Variants in GABRB3 observed in about 807,000 individuals in gnomAD.
The protein encoded by GABRB3 is gamma-aminobutyric acid receptor subunit beta-3.
Under a neutral mutation model 52.1 loss-of-function variants are expected in GABRB3, and 14 were observed. The ratio of observed to expected loss-of-function variants is 0.27; its 90% CI spans 0.18 to 0.42. The LOEUF is 0.42. Ranked by LOEUF, GABRB3 falls within the 10% of genes least tolerant of loss-of-function variation. The pLI is 1.00. For missense variants in GABRB3, 307 were observed against 609.1 expected (o/e 0.50, Z 5.22); for synonymous variants, 260 against 232.3 (o/e 1.12, Z -1.08).
intron 3 of GABRB3, among the ~76,000 whole-genome samples, chr15:26,690,937 C>T (rs184980879): frequency 1.3e-5 from 2 of 151,772 alleles, no homozygotes; most frequent in East Asian, 2.0e-4. Context: ...TCTGGCCAAT[C>T]GCATTTGTTC....
chr15:26,759,981 A>C (rs1272322541), intron 3 of GABRB3, among the ~76,000 whole-genome samples: 1 of 152,260 alleles, frequency 6.6e-6, no homozygotes, highest in East Asian at 1.9e-4. Flanking sequence ...AACTGATGCA[A>C]CTATGTTTGA....
chr15:26,583,301 A>G, intron 5 of GABRB3, 31 bp downstream of exon 5: 1 of 1,537,028 alleles, frequency 6.5e-7, no homozygotes, highest in South Asian at 1.1e-5. Context: ...TACAAATAGG[A>G]GGAGAAAGAA....
rs151323737 is a variant in GABRB3, at chr15:26,620,720, G to C, written c.461+594C>G. ...ATGGAGCTCTATGGAAAGGCCTGGC[G>C]GTTTCCAGGGCAACCAGGGAAGCCC... On this transcript the variant is annotated intron_variant, in intron 4 of 8. Coordinates refer to ENST00000311550, the MANE Select transcript of GABRB3 (RefSeq NM_000814.6). Among the ~76,000 whole-genome samples, 349 of 152,274 alleles carry C rather than the reference G, an allele frequency of 2.3e-3. 5 individuals are homozygous for C. In the East Asian group the frequency reaches 0.051, roughly 22 times the overall value.
At position 26,750,885 on chromosome 15, in the gene GABRB3, T is replaced by A. The variant is rs140912924; in HGVS notation, c.240+21517A>T. 5.5e-3 allele frequency among the ~76,000 whole-genome samples: 840 copies of A among 152,328 alleles called. 8 individuals carry two copies. The highest frequency in any genetic ancestry group is 0.019 in the African/African-American group (772 of 41,582). On this transcript the variant is annotated intron_variant, in intron 3 of 8. Coordinates refer to ENST00000311550, the MANE Select transcript of GABRB3 (RefSeq NM_000814.6). Reference sequence around the variant, plus strand: ...ATTACTTAATGAAACTCAGTTTCTATCATGAATTACAGACATTTTGCCAAA... The same window carrying A: ...ATTACTTAATGAAACTCAGTTTCTAACATGAATTACAGACATTTTGCCAAA...
intron 3 of GABRB3, among the ~76,000 whole-genome samples, chr15:26,736,545 A>G (rs1890069886): frequency 6.6e-6 from 1 of 152,242 alleles, no homozygotes; most frequent in African/African-American, 2.4e-5. Flanking sequence ...GTTTGAGGAA[A>G]GCATATTGCA....
intron 3 of GABRB3, among the ~76,000 whole-genome samples, chr15:26,712,413 G>A (rs1889328243): frequency 6.6e-6 from 1 of 152,232 alleles, no homozygotes; most frequent in Admixed American, 6.5e-5. Flanking sequence ...AGGAGGCTGG[G>A]AGAAGTGTCC....
intron 4 of GABRB3, among the ~76,000 whole-genome samples, chr15:26,600,569 G>T (rs1891553058): frequency 6.6e-6 from 1 of 152,094 alleles, no homozygotes; most frequent in African/African-American, 2.4e-5. Flanking sequence ...AGAAAGAGTG[G>T]TATGATATAT....
chr15:26,738,396 C>G (rs114668213), intron 3 of GABRB3, among the ~76,000 whole-genome samples: 1 of 152,170 alleles, frequency 6.6e-6, no homozygotes, highest in African/African-American at 2.4e-5. Flanking sequence ...CTTGGGCTTA[C>G]TGACAAAAAG....
chr15:26,737,704 C>A (rs1890100520), intron 3 of GABRB3, among the ~76,000 whole-genome samples: 1 of 151,504 alleles, frequency 6.6e-6, no homozygotes, highest in Non-Finnish European at 1.5e-5. Context: ...AAGAGCTGAC[C>A]CTGGGATGTG....
intron 4 of GABRB3, among the ~76,000 whole-genome samples, chr15:26,618,872 C>G (rs1892369412): frequency 6.6e-6 from 1 of 150,698 alleles, no homozygotes; most frequent in Non-Finnish European, 1.5e-5. Flanking sequence ...TGAACAGACA[C>G]TTCTCAAAAG....
At chr15:26,660,603 C>A (rs1044275113) in intron 3 of GABRB3, among the ~76,000 whole-genome samples, 50 of 152,292 alleles carry the variant, frequency 3.3e-4, no homozygotes, top group African/African-American at 1.1e-3. Context: ...CACCACCACA[C>A]AGCAGCCAGA....
At chr15:26,671,233 T>C (rs1426343350) in intron 3 of GABRB3, among the ~76,000 whole-genome samples, 1 of 152,252 alleles carries the variant, frequency 6.6e-6, no homozygotes, top group Admixed American at 6.5e-5. Context: ...CTTGATTGAT[T>C]TAAAATTTTT....
At chr15:26,628,112 GT>G (rs1892777089) in intron 3 of GABRB3, among the ~76,000 whole-genome samples, 1 of 152,182 alleles carries the variant, frequency 6.6e-6, no homozygotes, top group African/African-American at 2.4e-5. Flanking sequence ...TTCAATTAAG[GT>G]ATGTATATTT....
chr15:26,753,850 A>G (rs942476263), intron 3 of GABRB3, among the ~76,000 whole-genome samples: 1 of 152,174 alleles, frequency 6.6e-6, no homozygotes, highest in Non-Finnish European at 1.5e-5. Context: ...AGGGCAGGCT[A>G]CAGGTAAACC....
chr15:26,597,024 T>C (rs1375798658), intron 4 of GABRB3, among the ~76,000 whole-genome samples: 1 of 152,182 alleles, frequency 6.6e-6, no homozygotes, highest in African/African-American at 2.4e-5. Flanking sequence ...TCCCTTCCTC[T>C]TCTTATAAAG....
chr15:26,687,010 G>A (rs1298494023), intron 3 of GABRB3, among the ~76,000 whole-genome samples: 5 of 152,238 alleles, frequency 3.3e-5, no homozygotes, highest in Non-Finnish European at 7.3e-5. Flanking sequence ...GTGCACCATG[G>A]GGCTCCATGC....
At chr15:26,587,052 C>CA (rs200300174) in intron 4 of GABRB3, among the ~76,000 whole-genome samples, 2,894 of 152,042 alleles carry the variant, frequency 0.019, 36 homozygotes, top group Non-Finnish European at 0.031. Context: ...GTTCTTGCCA[C>CA]AAAAAAATGT....
intron 3 of GABRB3, among the ~76,000 whole-genome samples, chr15:26,745,687 A>G (rs1367825598): frequency 6.6e-6 from 1 of 152,174 alleles, no homozygotes; most frequent in Non-Finnish European, 1.5e-5. Context: ...TTTCTCTGTA[A>G]TTTTATTATT....
rs910222506 is a variant in GABRB3 at position 26,720,814 on chromosome 15, C to T, written c.240+51588G>A. 3.9e-5 allele frequency among the ~76,000 whole-genome samples: 6 copies of T among 152,312 alleles called. No individual in the cohort carries two copies. In the East Asian group the frequency reaches 1.2e-3, roughly 29 times the overall value. Reference sequence around the variant, plus strand: ...AGGACGAACTGCTGAGGAACAGGAACACCTTACTTCTGCAACATGGAACCT... The same window carrying T: ...AGGACGAACTGCTGAGGAACAGGAATACCTTACTTCTGCAACATGGAACCT... On this transcript the variant is annotated intron_variant, in intron 3 of 8. Coordinates refer to ENST00000311550, the MANE Select transcript of GABRB3 (RefSeq NM_000814.6).
Sources: gnomAD v4.1 joint callset for allele counts (sites outside exome capture counted in the v4.1 genomes callset) on GRCh38, gnomAD v4.1.1 for gene constraint, MANE v1.5 for transcripts, NCBI Gene and HGNC (gene_info 2026-07-23, HGNC 2026-07-21) for gene names.